The following PRR16 variants were observed in gnomAD, a reference collection of about 807,000 sequenced individuals.
The protein encoded by PRR16 is protein Largen.
Under a neutral mutation model 18.2 loss-of-function variants are expected in PRR16, and 6 were observed. The observed-to-expected ratio is 0.33, with a 90% confidence interval of 0.18 to 0.65. PRR16 has a LOEUF of 0.65. PRR16 is among the 30% of genes least tolerant of loss of function. The pLI is 0.74. For synonymous variants in PRR16, 151 were observed against 147.8 expected (o/e 1.02, Z -0.16); for missense variants, 412 against 376.6 (o/e 1.09, Z -0.78).
At chr5:120,492,255 AGTGTGTGTGTGTGTGTGTGT>A (rs3991307) in intron 1 of PRR16, among the ~76,000 whole-genome samples, 11 of 138,116 alleles carry the variant, frequency 8.0e-5, no homozygotes, top group Non-Finnish European at 1.3e-4. Context: ...CGCTAATTTG[AGTGTGTGTGTGTGTGTGTGT>A]GTGTGTGTGT....
Position 120,584,712 on chromosome 5 carries a change from C to T in PRR16, c.160-101242C>T, listed in dbSNP as rs116953682. ...ATCAAACACTTAGTAATTTCCTCAA[C>T]CAGGAGTAATACTTCTGATTTCTAA... On this transcript the variant is annotated intron_variant, in intron 1 of 1. Transcript: ENST00000407149. Among the ~76,000 whole-genome samples, 48 of 152,216 alleles carry T rather than the reference C, an allele frequency of 3.2e-4. No homozygotes were observed. The East Asian group carries it at 8.5e-3, about 27-fold the overall frequency.
At chr5:120,510,327 G>A (rs1452577566) in intron 1 of PRR16, among the ~76,000 whole-genome samples, 3 of 152,126 alleles carry the variant, frequency 2.0e-5, no homozygotes, top group African/African-American at 7.2e-5. Context: ...TGTTACATAG[G>A]AGCTTGTTAA....
chr5:120,637,518 T>C (rs1321267890), intron 1 of PRR16, among the ~76,000 whole-genome samples: 2 of 152,038 alleles, frequency 1.3e-5, no homozygotes, highest in Non-Finnish European at 2.9e-5. Context: ...TGAATGGAAT[T>C]GGAGACTATT....
chr5:120,477,837 A>T (rs1378094351), intron 1 of PRR16, among the ~76,000 whole-genome samples: 1 of 152,134 alleles, frequency 6.6e-6, no homozygotes, highest in Non-Finnish European at 1.5e-5. Flanking sequence ...CAAAGGCGCT[A>T]TGTACATTTT....
intron 1 of PRR16, among the ~76,000 whole-genome samples, chr5:120,666,153 T>G (rs971623744): frequency 1.4e-5 from 2 of 143,112 alleles, no homozygotes; most frequent in African/African-American, 5.2e-5. Context: ...GTTTGTAGTT[T>G]TCCTTGAAGA....
intron 1 of PRR16, among the ~76,000 whole-genome samples, chr5:120,656,366 G>T (rs1436202004): frequency 6.6e-6 from 1 of 150,958 alleles, no homozygotes; most frequent in Non-Finnish European, 1.5e-5. Flanking sequence ...TAAGATAAGT[G>T]GTAGCTATCA....
chr5:120,787,595 T>C, the PRR16 span, among the ~76,000 whole-genome samples: 9 of 152,254 alleles, frequency 5.9e-5, no homozygotes, highest in African/African-American at 2.2e-4. Flanking sequence ...TAATGTTTGC[T>C]CTTATCTTGA....
At chr5:120,545,692 A>G (rs1480370061) in intron 1 of PRR16, among the ~76,000 whole-genome samples, 1 of 152,170 alleles carries the variant, frequency 6.6e-6, no homozygotes, top group Non-Finnish European at 1.5e-5. Context: ...ATTATTGAAT[A>G]TTAATACCAT....
At chr5:120,513,237 A>C (rs1361231413) in intron 1 of PRR16, among the ~76,000 whole-genome samples, 1 of 152,048 alleles carries the variant, frequency 6.6e-6, no homozygotes, top group Non-Finnish European at 1.5e-5. Flanking sequence ...CTCTCATAAC[A>C]GTTTCTTTCT....
chr5:120,701,605 G>T, the PRR16 span, among the ~76,000 whole-genome samples: 3 of 152,134 alleles, frequency 2.0e-5, no homozygotes, highest in Non-Finnish European at 4.4e-5. Flanking sequence ...AGGAGCAGAG[G>T]CTGAGGAAGA....
intron 1 of PRR16, among the ~76,000 whole-genome samples, chr5:120,549,106 TTTA>T (rs1258337200): frequency 1.3e-5 from 2 of 152,078 alleles, no homozygotes; most frequent in Non-Finnish European, 1.5e-5. Flanking sequence ...ATGTTTCTCT[TTTA>T]TTGATTGATT....
At chr5:120,661,163 T>C (rs1461116746) in intron 1 of PRR16, among the ~76,000 whole-genome samples, 2 of 152,136 alleles carry the variant, frequency 1.3e-5, no homozygotes, top group Non-Finnish European at 2.9e-5. Flanking sequence ...GAGCTTCATA[T>C]CTTTCTTGGG....
intron 1 of PRR16, among the ~76,000 whole-genome samples, chr5:120,637,817 A>C (rs766877539): frequency 6.6e-6 from 1 of 152,144 alleles, no homozygotes; most frequent in Non-Finnish European, 1.5e-5. Flanking sequence ...CCTGGGTGAC[A>C]GAGTGGGAGA....
chr5:120,550,378 A>T (rs909734036), intron 1 of PRR16, among the ~76,000 whole-genome samples: 1 of 152,082 alleles, frequency 6.6e-6, no homozygotes, highest in African/African-American at 2.4e-5. Context: ...AGTGTGGGTT[A>T]TGTTAATTTT....
At chr5:120,658,031 A>ATGTTGT (rs150042007) in intron 1 of PRR16, 4 of 151,352 alleles carry the variant, frequency 2.6e-5, no homozygotes, top group East Asian at 3.9e-4. Context: ...GTGGGTTTTG[A>ATGTTGT]TGTTGTTGTT....
At chr5:120,769,299 A>G in the PRR16 span, among the ~76,000 whole-genome samples, 1 of 151,842 alleles carries the variant, frequency 6.6e-6, no homozygotes, top group African/African-American at 2.4e-5. Flanking sequence ...AGTAATGGCA[A>G]TAGACGTATA....
At chr5:120,653,307 A>T (rs1017659082) in intron 1 of PRR16, among the ~76,000 whole-genome samples, 19 of 149,628 alleles carry the variant, frequency 1.3e-4, no homozygotes, top group African/African-American at 4.6e-4. Flanking sequence ...AGTAAAAAAA[A>T]AAAGTATTTT....
At chr5:120,698,551 G>A in the PRR16 span, among the ~76,000 whole-genome samples, 47 of 147,272 alleles carry the variant, frequency 3.2e-4, no homozygotes, top group Admixed American at 1.1e-3. Context: ...GTTGAGAACC[G>A]TGAATAGGAG....
chr5:120,556,458 C>G (rs1752416598), intron 1 of PRR16, among the ~76,000 whole-genome samples: 1 of 151,710 alleles, frequency 6.6e-6, no homozygotes, highest in African/African-American at 2.4e-5. Flanking sequence ...CTCTGCTTTC[C>G]AGTATACATC....
Sources: allele counts gnomAD v4.1 joint callset (sites outside exome capture counted in the v4.1 genomes callset), GRCh38; gene constraint gnomAD v4.1.1; transcripts MANE v1.5; gene names NCBI Gene and HGNC (gene_info 2026-07-23, HGNC 2026-07-21).